The following SLIT2 variants were observed in gnomAD, a reference collection of about 807,000 sequenced individuals.
SLIT2 encodes the protein slit guidance ligand 2, also known as slit homolog 2 protein.
Under a neutral mutation model 185.7 loss-of-function variants are expected in SLIT2, and 41 were observed. That is an observed-to-expected ratio of 0.22 (90% CI 0.17 to 0.29). The LOEUF (loss-of-function observed/expected upper bound fraction) is 0.29, where lower values mean the gene tolerates loss of function less well. SLIT2 is among the 10% of genes least tolerant of loss of function. The probability of loss-of-function intolerance (pLI) is 1.00; values close to 1 mark genes in which losing one functional copy is unlikely to be tolerated. For synonymous variants in SLIT2, 693 were observed against 680.2 expected (o/e 1.02, Z -0.29); for missense variants, 1,571 against 1,909.0 (o/e 0.82, Z 3.30).
chr4:20,378,588 C>A (rs1724225086), intron 4 of SLIT2, among the ~76,000 whole-genome samples: 1 of 151,996 alleles, frequency 6.6e-6, no homozygotes, highest in African/African-American at 2.4e-5. Flanking sequence ...TAGTATTGTG[C>A]CCCATTTGAT....
intron 4 of SLIT2, among the ~76,000 whole-genome samples, chr4:20,310,652 C>T (rs1288148342): frequency 6.6e-6 from 1 of 152,142 alleles, no homozygotes; most frequent in East Asian, 1.9e-4. Flanking sequence ...TGACTTTGCC[C>T]CAATTGCTGC....
chr4:20,257,313 A>G (rs551195848), intron 2 of SLIT2, among the ~76,000 whole-genome samples: 48 of 152,078 alleles, frequency 3.2e-4, no homozygotes, highest in Non-Finnish European at 6.8e-4. Context: ...ATTAGCTGTG[A>G]GTAAACCACC....
chr4:20,603,645 A>T (rs1270690980), intron 33 of SLIT2, among the ~76,000 whole-genome samples: 1 of 152,232 alleles, frequency 6.6e-6, no homozygotes, highest in African/African-American at 2.4e-5. Context: ...GTTTAAAAAT[A>T]AGAAAATCAG....
intron 9 of SLIT2, among the ~76,000 whole-genome samples, chr4:20,502,772 A>G (rs1012923410): frequency 6.6e-6 from 1 of 152,214 alleles, no homozygotes; most frequent in Non-Finnish European, 1.5e-5. Context: ...TGGCGATAGA[A>G]TATGAGGGAA....
chr4:20,477,045 G>T (rs927732199), intron 5 of SLIT2, among the ~76,000 whole-genome samples: 1 of 151,548 alleles, frequency 6.6e-6, no homozygotes, highest in Admixed American at 6.6e-5. Context: ...TTAATATATG[G>T]AGCCCATCGA....
intron 6 of SLIT2, 129 bp from the exon 7 acceptor site, chr4:20,486,071 C>A: frequency 1.5e-6 from 1 of 656,142 alleles, no homozygotes; most frequent in Non-Finnish European, 2.8e-6. Context: ...GTAGTGCATT[C>A]TCTATGTCAT....
intron 4 of SLIT2, among the ~76,000 whole-genome samples, chr4:20,414,013 T>G (rs1249048124): frequency 6.6e-6 from 1 of 152,134 alleles, no homozygotes; most frequent in African/African-American, 2.4e-5. Context: ...TGAATTTGTT[T>G]TCCATATGTT....
At chr4:20,312,719 G>A (rs10938792) in intron 4 of SLIT2, among the ~76,000 whole-genome samples, 50,075 of 147,354 alleles carry the variant, frequency 0.34, 8,780 homozygotes, top group Middle Eastern at 0.44. Context: ...GTTGCAGTGA[G>A]CTGAGATTGT....
intron 4 of SLIT2, among the ~76,000 whole-genome samples, chr4:20,371,838 G>A (rs542918195): frequency 6.6e-6 from 1 of 151,942 alleles, no homozygotes; most frequent in African/African-American, 2.4e-5. Flanking sequence ...CAAAAATACT[G>A]TACTCTTGTA....
At chr4:20,590,374 G>A (rs969700723) in intron 30 of SLIT2, among the ~76,000 whole-genome samples, 3 of 152,102 alleles carry the variant, frequency 2.0e-5, no homozygotes, top group African/African-American at 7.2e-5. Context: ...GTGCTTCATT[G>A]TCTGAAGGTA....
At chr4:20,576,282 TTCTC>T (rs1446033753) in intron 29 of SLIT2, among the ~76,000 whole-genome samples, 1 of 152,214 alleles carries the variant, frequency 6.6e-6, no homozygotes, top group African/African-American at 2.4e-5. Context: ...GAATGGAAAT[TTCTC>T]TCCCCATATT....
At chr4:20,466,393 C>T in intron 4 of SLIT2, among the ~76,000 whole-genome samples, 1 of 152,120 alleles carries the variant, frequency 6.6e-6, no homozygotes, top group East Asian at 1.9e-4. Flanking sequence ...AAGTGGAAGG[C>T]TGCCTTAACT....
chr4:20,370,656 T>C (rs1723495617), intron 4 of SLIT2, among the ~76,000 whole-genome samples: 1 of 152,066 alleles, frequency 6.6e-6, no homozygotes, highest in South Asian at 2.1e-4. Context: ...CAAATCATTC[T>C]CCATTTCCCA....
chr4:20,415,207 A>C (rs1310249743), intron 4 of SLIT2, among the ~76,000 whole-genome samples: 14 of 152,052 alleles, frequency 9.2e-5, no homozygotes. Context: ...GTCAGGAGAC[A>C]GAGACCATCC....
At chr4:20,422,986 C>G (rs576493219) in intron 4 of SLIT2, among the ~76,000 whole-genome samples, 1 of 152,098 alleles carries the variant, frequency 6.6e-6, no homozygotes, top group African/African-American at 2.4e-5. Flanking sequence ...TTAACCTATT[C>G]ACTTGCCTTT....
intron 5 of SLIT2, among the ~76,000 whole-genome samples, chr4:20,478,578 C>T (rs948327210): frequency 1.3e-5 from 2 of 152,172 alleles, no homozygotes; most frequent in Non-Finnish European, 2.9e-5. Context: ...GAAGCTGTGT[C>T]AGCATTGATT....
At chr4:20,387,284 A>G (rs972693174) in intron 4 of SLIT2, among the ~76,000 whole-genome samples, 1 of 152,134 alleles carries the variant, frequency 6.6e-6, no homozygotes, top group Non-Finnish European at 1.5e-5. Flanking sequence ...ATTGATATTT[A>G]TTGTATTGGA....
At position 20,472,323 on chromosome 4, in the gene SLIT2, T is replaced by TCTATATATAG. The variant is rs1715265809; in HGVS notation, c.467+4500_467+4501insCTATATATAG. Among the ~76,000 whole-genome samples the TCTATATATAG allele has an allele frequency of 1.2e-4, 10 of 84,720 alleles. 3 individuals carry two copies. Among genetic ancestry groups the TCTATATATAG allele is most frequent in the African/African-American group, 4.4e-4 (8 of 18,340 alleles). The allele number at this position is 84,720 out of a possible 152,430, so 55.6% of individuals were successfully genotyped here. A position where few individuals can be genotyped will look rare whatever the true frequency, so the allele number is the denominator to read the frequency against. ...ATATAGATCTATATATAGATATATA[T>TCTATATATAG]ATCTATATATAGATCTATATATAGA... On this transcript the variant is annotated intron_variant, in intron 5 of 36. Transcript: ENST00000504154.
intron 29 of SLIT2, chr4:20,573,351 A>G: frequency 1.4e-6 from 1 of 696,594 alleles, no homozygotes. Context: ...TACACAGTAA[A>G]AAGGAATGTT....
Sources: gnomAD v4.1 joint callset for allele counts (sites outside exome capture counted in the v4.1 genomes callset) on GRCh38, gnomAD v4.1.1 for gene constraint, MANE v1.5 for transcripts, NCBI Gene and HGNC (gene_info 2026-07-23, HGNC 2026-07-21) for gene names.